Variants in ASIC2 observed in about 807,000 individuals in gnomAD.
The protein encoded by ASIC2 is acid-sensing ion channel 2.
A neutral mutation model predicts 57.3 loss-of-function variants in ASIC2; 25 were observed. The observed-to-expected ratio is 0.44, with a 90% CI of 0.32 to 0.61. The LOEUF (loss-of-function observed/expected upper bound fraction) is 0.61, where lower values mean the gene tolerates loss of function less well. Among genes scored for constraint, ASIC2 ranks in the 20% least tolerant of loss-of-function variants. ASIC2 has a pLI of 0.06. For missense variants in ASIC2, 641 were observed against 738.1 expected, an observed-to-expected ratio of 0.87 and a Z score of 1.52; for synonymous variants, 319 against 307.5, an observed-to-expected ratio of 1.04 and a Z score of -0.39.
intron 1 of ASIC2, among the ~76,000 whole-genome samples, chr17:33,745,986 C>G (rs996892468): frequency 1.3e-5 from 2 of 151,982 alleles, no homozygotes; most frequent in Non-Finnish European, 2.9e-5. Context: ...TGCATTGTTG[C>G]ACCTGTAATA....
intron 3 of ASIC2, among the ~76,000 whole-genome samples, chr17:33,059,230 A>G (rs2141937247): frequency 6.6e-6 from 1 of 152,316 alleles, no homozygotes; most frequent in South Asian, 2.1e-4. Context: ...ACATATGTAT[A>G]CATGTGCCAT....
At chr17:33,295,825 C>CG (rs1905699161), upstream of ASIC2, among the ~76,000 whole-genome samples, 1 of 152,098 alleles carries the variant, frequency 6.6e-6, no homozygotes, top group Non-Finnish European at 1.5e-5. Flanking sequence ...TCCAACTCTG[C>CG]GGGGGAGGTA....
At chr17:34,097,307 C>T (rs980442178) in intron 1 of ASIC2, among the ~76,000 whole-genome samples, 1 of 151,252 alleles carries the variant, frequency 6.6e-6, no homozygotes, top group Non-Finnish European at 1.5e-5. Flanking sequence ...GAGGCACAGA[C>T]AAGAAGTAGG....
In ASIC2 at chr17:34,015,255, CAGAA is replaced by C. The variant is rs1010456806; in HGVS notation, c.555+140719_555+140722del. 5.3e-4 allele frequency among the ~76,000 whole-genome samples: 80 copies of C among 152,140 alleles called. No individual in the cohort carries two copies. In the Middle Eastern group the frequency reaches 0.01, roughly 19 times the overall value. On this transcript the variant is annotated intron_variant, in intron 1 of 9. Transcript: ENST00000359872. Reference sequence around the variant, plus strand: ...AGTCTGGGGCTACAATTTGGGGTGACAGAAAGGCTCTTACTTCCAATGTGCAAGG... The same window carrying C: ...AGTCTGGGGCTACAATTTGGGGTGACAGGCTCTTACTTCCAATGTGCAAGG...
intron 1 of ASIC2, among the ~76,000 whole-genome samples, chr17:34,154,972 G>A (rs1421793061): frequency 1.3e-5 from 2 of 152,018 alleles, no homozygotes; most frequent in African/African-American, 4.8e-5. Flanking sequence ...GGAGAACCCT[G>A]GCAGCAACAG....
At chr17:33,719,453 TAGA>T (rs747120896) in intron 1 of ASIC2, among the ~76,000 whole-genome samples, 1 of 152,218 alleles carries the variant, frequency 6.6e-6, no homozygotes, top group Non-Finnish European at 1.5e-5. Context: ...GCCTGAAGAT[TAGA>T]AGGAGTGCAC....
intron 1 of ASIC2, among the ~76,000 whole-genome samples, chr17:33,172,926 A>C (rs1905583224): frequency 6.6e-6 from 1 of 152,168 alleles, no homozygotes; most frequent in Non-Finnish European, 1.5e-5. Context: ...CTTTGGAGAG[A>C]GGCAAACCAG....
intron 1 of ASIC2, among the ~76,000 whole-genome samples, chr17:33,325,120 GAAAC>G (rs370199299): frequency 5.3e-5 from 8 of 152,104 alleles, no homozygotes; most frequent in South Asian, 2.1e-4. Flanking sequence ...GATGCCACAA[GAAAC>G]AAACAAACAA....
intron 1 of ASIC2, among the ~76,000 whole-genome samples, chr17:33,725,973 A>C (rs1399380004): frequency 6.6e-6 from 1 of 152,092 alleles, no homozygotes; most frequent in East Asian, 1.9e-4. Flanking sequence ...TCCCAATTGG[A>C]CCACCTGTGT....
chr17:33,467,001 G>T (rs1418436612), intron 1 of ASIC2, among the ~76,000 whole-genome samples: 1 of 152,178 alleles, frequency 6.6e-6, no homozygotes, highest in Non-Finnish European at 1.5e-5. Context: ...AATGGGATCT[G>T]ATTAAACTAA....
intron 1 of ASIC2, among the ~76,000 whole-genome samples, chr17:33,559,484 T>G (rs888275430): frequency 6.6e-6 from 1 of 152,222 alleles, no homozygotes; most frequent in African/African-American, 2.4e-5. Context: ...CTTCATAATT[T>G]TCTTTTTTTT....
intron 1 of ASIC2, among the ~76,000 whole-genome samples, chr17:33,894,245 A>G (rs929835388): frequency 1.3e-5 from 2 of 152,150 alleles, no homozygotes; most frequent in African/African-American, 4.8e-5. Context: ...AACCCAGAGT[A>G]CATTTGGATA....
At chr17:33,943,322 C>T (rs993950571) in intron 1 of ASIC2, among the ~76,000 whole-genome samples, 6 of 152,256 alleles carry the variant, frequency 3.9e-5, no homozygotes, top group South Asian at 2.1e-4. Context: ...CCCTCATGTC[C>T]GCACTTCATC....
At chr17:33,372,839 C>T (rs1172669384) in intron 1 of ASIC2, among the ~76,000 whole-genome samples, 1 of 152,172 alleles carries the variant, frequency 6.6e-6, no homozygotes, top group African/African-American at 2.4e-5. Context: ...GGTAGATGCC[C>T]CTCATCGTGG....
At chr17:33,964,723 T>C (rs1481895599) in intron 1 of ASIC2, among the ~76,000 whole-genome samples, 2 of 152,350 alleles carry the variant, frequency 1.3e-5, no homozygotes, top group Admixed American at 6.5e-5. Flanking sequence ...GCCAGAACTT[T>C]CTTATTTCAT....
At chr17:33,348,093 C>A (rs1295337354) in intron 1 of ASIC2, among the ~76,000 whole-genome samples, 1 of 152,144 alleles carries the variant, frequency 6.6e-6, no homozygotes, top group African/African-American at 2.4e-5. Context: ...CAGTGAGGCT[C>A]TGTCTCAAAC....
At chr17:33,499,717 C>A (rs529729549) in intron 1 of ASIC2, among the ~76,000 whole-genome samples, 3 of 152,360 alleles carry the variant, frequency 2.0e-5, no homozygotes, top group East Asian at 1.9e-4. Context: ...GCTGGTTCAA[C>A]CAGAGTGACA....
chr17:33,923,949 G>GAA (rs1915766602), intron 1 of ASIC2, among the ~76,000 whole-genome samples: 2 of 152,236 alleles, frequency 1.3e-5, no homozygotes, highest in East Asian at 3.9e-4. Context: ...AGAGAGCCCC[G>GAA]GACTCACAGG....
intron 1 of ASIC2, among the ~76,000 whole-genome samples, chr17:33,157,031 G>T (rs1231142790): frequency 1.3e-5 from 2 of 152,068 alleles, no homozygotes; most frequent in Non-Finnish European, 2.9e-5. Flanking sequence ...GGGGGTCCCA[G>T]GCAGGTTACT....
Sources: gnomAD v4.1 joint callset for allele counts (sites outside exome capture counted in the v4.1 genomes callset) on GRCh38, gnomAD v4.1.1 for gene constraint, MANE v1.5 for transcripts, NCBI Gene and HGNC (gene_info 2026-07-23, HGNC 2026-07-21) for gene names.